KDM5B: variants seen among roughly 807,000 people sequenced by gnomAD.
KDM5B encodes the protein lysine-specific demethylase 5B.
KDM5B carries 144 observed loss-of-function variants against 193.4 expected under a neutral mutation model. That is an observed-to-expected ratio of 0.74 (90% confidence interval 0.65 to 0.86). The LOEUF (loss-of-function observed/expected upper bound fraction) is 0.86, where lower values mean the gene tolerates loss of function less well. KDM5B is among the 40% of genes least tolerant of loss of function. The pLI is 0.00. For synonymous variants in KDM5B, 668 were observed against 682.6 expected (o/e 0.98, Z 0.33); for missense variants, 1,833 against 1,886.9 (o/e 0.97, Z 0.53).
Position 202,756,401 on chromosome 1 carries a change from A to C in KDM5B, c.1313T>G (p.Phe438Cys), listed in dbSNP as rs1656013992. ...TTTGATTTTCCCATCTCGGACAGGAAAGCCACTGCCAAATTCCTTTGAGGC... is the reference window on the plus strand; with the variant it reads ...TTTGATTTTCCCATCTCGGACAGGACAGCCACTGCCAAATTCCTTTGAGGC... ...DIASKEFGSG[F>C]PVRDGKIKLS... The change falls in exon 10 of 27, where the codon TTT becomes TGT. Residue 438 changes from phenylalanine to cysteine, a missense_variant. Phe to Cys is a radical substitution (Grantham distance 205). This residue lies in a region of KDM5B where 1,379 missense variants were observed against 1,349.6 expected (regional missense o/e 1.02). Coordinates refer to ENST00000367265, the MANE Select transcript of KDM5B (RefSeq NM_006618.5). 6.2e-7 allele frequency: 1 copy of C among 1,613,448 alleles called. No individual in the cohort carries two copies. Among genetic ancestry groups the C allele is most frequent in the Non-Finnish European group, 8.5e-7 (1 of 1,179,638 alleles).
At chr1:202,787,499 T>C (rs1006490986) in intron 1 of KDM5B, among the ~76,000 whole-genome samples, 5 of 152,220 alleles carry the variant, frequency 3.3e-5, no homozygotes, top group African/African-American at 9.6e-5. Flanking sequence ...ATGCATTGTA[T>C]TATTTTGCAA....
At chr1:202,768,037 T>A (rs902242223) in intron 4 of KDM5B, among the ~76,000 whole-genome samples, 7 of 152,218 alleles carry the variant, frequency 4.6e-5, no homozygotes, top group African/African-American at 1.4e-4. Context: ...AAACAGGTCA[T>A]TTGACTAAAG....
chr1:202,793,227 T>C (rs888050958), intron 1 of KDM5B, among the ~76,000 whole-genome samples: 3 of 152,212 alleles, frequency 2.0e-5, no homozygotes, highest in Non-Finnish European at 2.9e-5. Flanking sequence ...TGGATCTGCC[T>C]TAGCAGCAAA....
intron 18 of KDM5B, 92 bp downstream of exon 18, chr1:202,742,296 AATC>A (rs1266044668): frequency 1.5e-5 from 12 of 817,900 alleles, no homozygotes; most frequent in Non-Finnish European, 2.2e-5. Flanking sequence ...TGTACATATT[AATC>A]ATCAAAGAAG....
intron 11 of KDM5B, among the ~76,000 whole-genome samples, chr1:202,753,464 C>A (rs1216483942): frequency 6.6e-6 from 1 of 152,080 alleles, no homozygotes; most frequent in Non-Finnish European, 1.5e-5. Context: ...CATTGCATTC[C>A]TGCCTGGGTG....
chr1:202,725,665 A>T lies in KDM5B; in HGVS notation c.*3371T>A, dbSNP rs1654651318. ...AAGGGATTGGGTTTTCGCCAGCACT[A>T]TGGCAAGGAAAGACTATTTTAATAT... On this transcript the variant is annotated 3_prime_UTR_variant, in exon 27 of 27. Transcript: ENST00000367265. The T allele has an allele frequency of 6.6e-6, 1 of 152,226 alleles. No individual in the cohort carries two copies. The highest frequency in any genetic ancestry group is 2.1e-4 in the South Asian group (1 of 4,832). The allele number at this position is 152,226 out of a possible 1,614,324, so 9.4% of individuals were successfully genotyped here.
chr1:202,767,893 T>A (rs1656541031), intron 4 of KDM5B, among the ~76,000 whole-genome samples: 1 of 152,148 alleles, frequency 6.6e-6, no homozygotes, highest in South Asian at 2.1e-4. Context: ...TTTTCCATAT[T>A]AAAAATCTCA....
intron 4 of KDM5B, chr1:202,767,427 G>C: frequency 2.2e-6 from 3 of 1,372,620 alleles, no homozygotes; most frequent in Non-Finnish European, 3.1e-6. Context: ...ACATAGCGCT[G>C]CTGGAAGCTC....
chr1:202,808,251 C>A lies in KDM5B; in HGVS notation c.55G>T (p.Gly19Cys). ...PGPRPALPLG[G>C]PGPLGEFLPP... ...AGGAACTCGCCCAGCGGGCCCGGGC[C>A]CCCGAGGGGCAGCGCCGGGCGCGGG... The change falls in exon 1 of 27, where the codon GGC (glycine) becomes TGC (cysteine). Residue 19 changes from glycine to cysteine, a missense_variant. By Grantham distance (159) the Gly-to-Cys change is radical. This residue lies in a region of KDM5B where 355 missense variants were observed against 374.9 expected (regional missense o/e 0.95). Transcript: ENST00000367265. 6.2e-7 allele frequency: 1 copy of A among 1,610,980 alleles called. No individual in the cohort carries two copies. Among genetic ancestry groups the A allele is most frequent in the Non-Finnish European group, 8.5e-7 (1 of 1,179,110 alleles).
At chr1:202,753,122 G>T in intron 11 of KDM5B, 55 bp from the exon 12 acceptor site, 1 of 1,465,472 alleles carries the variant, frequency 6.8e-7, no homozygotes, top group East Asian at 2.3e-5. Flanking sequence ...AAACAAAATG[G>T]GTTACCAGTT....
Position 202,749,006 on chromosome 1 carries a change from T to C in KDM5B, c.1955A>G (p.Gln652Arg). Residue 652 changes from glutamine to arginine, a missense_variant, in exon 14 of 27, where the codon CAG (glutamine) becomes CGG (arginine). Physicochemically the swap from Gln to Arg is conservative, Grantham distance 43. Around this residue, in one of 3 missense-constraint regions of KDM5B, gnomAD observed 1,379 missense variants for 1,349.6 expected, o/e 1.02. Transcript: ENST00000367265. ...CTCAATCATAATGGCCATGTCTTTCTGAACAGTTGAAGCCACTACAACATC... is the reference window on the plus strand; with the variant it reads ...CTCAATCATAATGGCCATGTCTTTCCGAACAGTTGAAGCCACTACAACATC... The part of the protein sequence containing the change: ...VLDVVVASTV[Q>R]KDMAIMIEDE... The C allele has an allele frequency of 6.2e-7, 1 of 1,614,134 alleles. No individual in the cohort carries two copies. Among genetic ancestry groups the C allele is most frequent in the South Asian group, 1.1e-5 (1 of 91,052 alleles).
rs936846083 is a variant in KDM5B at position 202,725,394 on chromosome 1, C to G, written c.*3642G>C. On this transcript the variant is annotated 3_prime_UTR_variant, in exon 27 of 27. Transcript: ENST00000367265. ...TTTATACAATTTTTTGTTTAGGCAG[C>G]TTTTCAGTAACATTTCTATAATAAG... 1.6e-4 allele frequency: 25 copies of G among 152,174 alleles called. No homozygotes were observed. The highest frequency in any genetic ancestry group is 5.8e-4 in the African/African-American group (24 of 41,438). The allele number at this position is 152,174 out of a possible 1,614,324, so 9.4% of individuals were successfully genotyped here. A position where few individuals can be genotyped will look rare whatever the true frequency, so the allele number is the denominator to read the frequency against.
At position 202,735,499 on chromosome 1, in the gene KDM5B, T is replaced by C; in HGVS notation, c.3353A>G (p.Lys1118Arg). 6.2e-7 allele frequency: 1 copy of C among 1,614,162 alleles called. No individual in the cohort carries two copies. The change falls in exon 22 of 27, where the codon AAA becomes AGA. Residue 1118 changes from lysine to arginine, a missense_variant. By Grantham distance (26) the Lys-to-Arg change is conservative. Around this residue, in one of 3 missense-constraint regions of KDM5B, gnomAD observed 1,379 missense variants for 1,349.6 expected, o/e 1.02. Transcript: ENST00000367265. ...ACTCAGACTCTCTAATTTGGTGCTTTTTTTCTTTCCATTTGGCAAGGGCTC... is the reference window on the plus strand; with the variant it reads ...ACTCAGACTCTCTAATTTGGTGCTTCTTTTCTTTCCATTTGGCAAGGGCTC... ...LKEPLPNGKK[K>R]STKLESLSDL...
intron 7 of KDM5B, among the ~76,000 whole-genome samples, chr1:202,761,028 GA>G (rs796703688): frequency 0.08 from 11,807 of 147,850 alleles, 542 homozygotes; most frequent in African/African-American, 0.12. Context: ...TGTCTCAGGA[GA>G]AAAAAAAAAA....
At position 202,756,370 on chromosome 1, in the gene KDM5B, T is replaced by TGA; in HGVS notation, c.1342_1343dup (p.Pro449HisfsTer14). 1 of 1,610,344 alleles carries TGA rather than the reference T, an allele frequency of 6.2e-7. No homozygotes were observed. The highest frequency in any genetic ancestry group is 8.5e-7 in the Non-Finnish European group (1 of 1,178,450). ...CTTATATGCCTACCTCTTCCTCAGG[T>TGA]GAGAGTTTGATTTTCCCATCTCGGA... is the stretch of plus-strand genomic sequence containing the variant. On this transcript the variant is annotated frameshift_variant, in exon 10 of 27. Transcript: ENST00000367265. LOFTEE classifies it high-confidence loss of function.
At chr1:202,794,780 C>G (rs1256052708) in intron 1 of KDM5B, among the ~76,000 whole-genome samples, 1 of 152,200 alleles carries the variant, frequency 6.6e-6, no homozygotes, top group Non-Finnish European at 1.5e-5. Context: ...CAGTGGATGC[C>G]TGAAACCATG....
intron 1 of KDM5B, 110 bp from the exon 2 acceptor site, chr1:202,777,204 A>G (rs963731347): frequency 1.3e-6 from 1 of 760,818 alleles, no homozygotes; most frequent in Non-Finnish European, 2.2e-6. Flanking sequence ...AACCAATCAA[A>G]CAAAATAGAA....
chr1:202,800,933 C>T (rs1658047533), intron 1 of KDM5B, among the ~76,000 whole-genome samples: 1 of 152,202 alleles, frequency 6.6e-6, no homozygotes, highest in African/African-American at 2.4e-5. Flanking sequence ...CTGAGAAATA[C>T]TATCCCCAAC....
At chr1:202,790,337 G>C (rs534537546) in intron 1 of KDM5B, among the ~76,000 whole-genome samples, 23 of 152,262 alleles carry the variant, frequency 1.5e-4, no homozygotes, top group Non-Finnish European at 1.5e-5. Flanking sequence ...CAGCACTTTT[G>C]GAGGCCAACC....
Sources: gnomAD v4.1 joint callset for allele counts (sites outside exome capture counted in the v4.1 genomes callset) on GRCh38, gnomAD v4.1.1 for gene constraint, gnomAD v4.1.1 regional missense constraint, MANE v1.5 for transcripts, NCBI Gene and HGNC (gene_info 2026-07-23, HGNC 2026-07-21) for gene names.